Variants in PRKN observed in about 807,000 individuals in gnomAD.
The protein encoded by PRKN is parkin RBR E3 ubiquitin protein ligase.
Under a neutral mutation model 59.5 loss-of-function variants are expected in PRKN, and 56 were observed. That is an observed-to-expected ratio of 0.94 (90% CI 0.76 to 1.18). The LOEUF (loss-of-function observed/expected upper bound fraction) is 1.18. PRKN is among the 50% of genes most tolerant of loss of function. The pLI is 0.00. For missense variants in PRKN, 657 were observed against 596.4 expected (o/e 1.10, Z -1.06); for synonymous variants, 250 against 222.1 (o/e 1.13, Z -1.12).
chr6:161,540,967 T>A (rs1779595876), intron 9 of PRKN, among the ~76,000 whole-genome samples: 1 of 152,216 alleles, frequency 6.6e-6, no homozygotes. Flanking sequence ...CTGCTCTATA[T>A]TTTTGTAGTC....
intron 6 of PRKN, among the ~76,000 whole-genome samples, chr6:161,862,015 T>C (rs1449905284): frequency 6.6e-6 from 1 of 152,220 alleles, no homozygotes; most frequent in Non-Finnish European, 1.5e-5. Flanking sequence ...TGCCCTGGCA[T>C]TCCTGGATTT....
chr6:161,963,517 T>C (rs936951878), intron 6 of PRKN, among the ~76,000 whole-genome samples: 2 of 152,244 alleles, frequency 1.3e-5, no homozygotes, highest in South Asian at 2.1e-4. Context: ...ATTTCTTCTA[T>C]GCTTTCGTAA....
At chr6:162,620,568 C>A (rs1219215430) in intron 1 of PRKN, among the ~76,000 whole-genome samples, 1 of 152,184 alleles carries the variant, frequency 6.6e-6, no homozygotes, top group Non-Finnish European at 1.5e-5. Flanking sequence ...TTGAAAGTTT[C>A]AGGCCTTCAT....
chr6:162,302,993 CACACACAG>C (rs1782034216), intron 2 of PRKN, among the ~76,000 whole-genome samples: 1 of 151,580 alleles, frequency 6.6e-6, no homozygotes, highest in Non-Finnish European at 1.5e-5. Flanking sequence ...CACACACACA[CACACACAG>C]ACACACACAC....
chr6:162,724,380 G>C (rs67094146), intron 1 of PRKN, among the ~76,000 whole-genome samples: 21,882 of 152,114 alleles, frequency 0.14, 2,041 homozygotes, highest in African/African-American at 0.25. Context: ...AAGTACTTTT[G>C]AAACAGTCCT....
At chr6:162,302,005 A>C (rs181608026) in intron 2 of PRKN, among the ~76,000 whole-genome samples, 69 of 152,260 alleles carry the variant, frequency 4.5e-4, no homozygotes, top group Middle Eastern at 3.4e-3. Flanking sequence ...TCCTGGTCAA[A>C]GACATTTTCT....
intron 3 of PRKN, among the ~76,000 whole-genome samples, chr6:162,251,531 C>T (rs1379580097): frequency 6.6e-6 from 1 of 152,144 alleles, no homozygotes; most frequent in African/African-American, 2.4e-5. Flanking sequence ...ATATGCTTAG[C>T]AGTTGAAGAA....
chr6:161,643,675 G>A (rs1449864598), intron 7 of PRKN, among the ~76,000 whole-genome samples: 2 of 152,102 alleles, frequency 1.3e-5, no homozygotes, highest in East Asian at 1.9e-4. Context: ...CCTGGCTAAC[G>A]CATTAGATAG....
At position 161,461,423 on chromosome 6, in the gene PRKN, T is replaced by C. The variant is rs1790219270; in HGVS notation, c.1084-74546A>G. ...CTAGGGAATCACTTTATGGGGGGTG[T>C]TATGAGCATATTTTATGGTATGGGG... On this transcript the variant is annotated intron_variant, in intron 9 of 11. Transcript: ENST00000366898. The surrounding 1 kb of genome is among the most constrained non-coding windows in gnomAD (Gnocchi z 5.1). 6.6e-6 allele frequency among the ~76,000 whole-genome samples: 1 copy of C among 152,028 alleles called. No individual in the cohort carries two copies. Among genetic ancestry groups the C allele is most frequent in the South Asian group, 2.1e-4 (1 of 4,810 alleles).
intron 2 of PRKN, among the ~76,000 whole-genome samples, chr6:162,294,090 G>T (rs1243693383): frequency 1.4e-5 from 2 of 144,416 alleles, no homozygotes; most frequent in Non-Finnish European, 3.0e-5. Flanking sequence ...AAGGGGCCAT[G>T]CAACCCGGCT....
intron 2 of PRKN, among the ~76,000 whole-genome samples, chr6:162,283,863 A>G (rs1781041772): frequency 6.6e-6 from 1 of 152,202 alleles, no homozygotes; most frequent in African/African-American, 2.4e-5. Context: ...TGTTAAGCTC[A>G]GTGTCCTCTA....
chr6:162,470,452 C>T (rs1387405459), intron 1 of PRKN, among the ~76,000 whole-genome samples: 1 of 151,966 alleles, frequency 6.6e-6, no homozygotes, highest in African/African-American at 2.4e-5. Flanking sequence ...ACTAGTACAA[C>T]AATTAGCCAG....
intron 1 of PRKN, among the ~76,000 whole-genome samples, chr6:162,634,590 T>C (rs1777638094): frequency 1.3e-5 from 2 of 152,220 alleles, no homozygotes; most frequent in African/African-American, 2.4e-5. Flanking sequence ...ACTAGTGCAA[T>C]GGCTGACACG....
At chr6:161,952,358 C>T (rs1440829847) in intron 6 of PRKN, among the ~76,000 whole-genome samples, 4 of 152,152 alleles carry the variant, frequency 2.6e-5, no homozygotes, top group African/African-American at 9.7e-5. Flanking sequence ...TGGCTCATGC[C>T]TGTAATCCCA....
chr6:162,417,506 G>A (rs1310302455), intron 2 of PRKN, among the ~76,000 whole-genome samples: 1 of 152,188 alleles, frequency 6.6e-6, no homozygotes, highest in African/African-American at 2.4e-5. Context: ...CATATGTAAA[G>A]TAGAAAAGGA....
intron 9 of PRKN, among the ~76,000 whole-genome samples, chr6:161,439,522 A>C (rs1789090215): frequency 6.6e-6 from 1 of 152,224 alleles, no homozygotes; most frequent in Admixed American, 6.5e-5. Context: ...GTCTGTAATT[A>C]TCTGGGCGCC....
rs1260152301 is a variant in PRKN at position 162,237,639 on chromosome 6, T to TA, written c.412+24885dup. ...AGAAGGTGGAGAAAGGAGGCATGCT[T>TA]ATGGCATCCCAGTTTTAAGGAAGAA... On this transcript the variant is annotated intron_variant, in intron 3 of 11. Transcript: ENST00000366898. Among the ~76,000 whole-genome samples, 5 of 152,170 alleles carry TA rather than the reference T, an allele frequency of 3.3e-5. No individual in the cohort carries two copies. The East Asian group carries it at 9.6e-4, about 29-fold the overall frequency.
At chr6:162,249,919 G>A (rs1277556328) in intron 3 of PRKN, among the ~76,000 whole-genome samples, 1 of 152,080 alleles carries the variant, frequency 6.6e-6, no homozygotes, top group Non-Finnish European at 1.5e-5. Context: ...CCGAGGCAGA[G>A]GGATCACCTT....
At chr6:161,627,059 G>T (rs1783117822) in intron 7 of PRKN, among the ~76,000 whole-genome samples, 1 of 152,110 alleles carries the variant, frequency 6.6e-6, no homozygotes. Flanking sequence ...GCCTTCCAAG[G>T]TTTGCATCTT....
Sources: gnomAD v4.1 joint callset for allele counts (sites outside exome capture counted in the v4.1 genomes callset) on GRCh38, gnomAD v4.1.1 for gene constraint, Gnocchi (gnomAD v3.1) non-coding constraint, MANE v1.5 for transcripts, NCBI Gene and HGNC (gene_info 2026-07-23, HGNC 2026-07-21) for gene names.